PIK3C2G: variants seen among roughly 807,000 people sequenced by gnomAD.
PIK3C2G encodes the protein phosphatidylinositol 3-kinase C2 domain-containing subunit gamma.
In PIK3C2G, 168 loss-of-function variants were observed where a neutral mutation model predicts 181.1. The observed-to-expected ratio is 0.93, with a 90% confidence interval of 0.82 to 1.05. The LOEUF is 1.05. Among genes scored for constraint, PIK3C2G ranks in the 50% least tolerant of loss-of-function variants. PIK3C2G has a pLI of 0.00. For synonymous variants in PIK3C2G, 573 were observed against 592.2 expected (o/e 0.97, Z 0.47); for missense variants, 1,869 against 1,732.8 (o/e 1.08, Z -1.40).
intron 30 of PIK3C2G, among the ~76,000 whole-genome samples, chr12:18,609,031 T>C (rs1246565564): frequency 1.3e-5 from 2 of 152,110 alleles, no homozygotes; most frequent in Non-Finnish European, 2.9e-5. Flanking sequence ...TGACAACTTT[T>C]GAATTTTATC....
the PIK3C2G span, among the ~76,000 whole-genome samples, chr12:18,722,595 A>G: frequency 6.6e-6 from 1 of 152,064 alleles, no homozygotes; most frequent in Non-Finnish European, 1.5e-5. Flanking sequence ...ATGTTTTGGT[A>G]CCATATATGA....
intron 1 of PIK3C2G, among the ~76,000 whole-genome samples, chr12:18,268,203 T>C (rs1948590519): frequency 6.6e-6 from 1 of 152,176 alleles, no homozygotes; most frequent in African/African-American, 2.4e-5. Flanking sequence ...GACTTACATA[T>C]GATAAAAATT....
chr12:18,283,223 G>T (rs761191825), intron 2 of PIK3C2G, among the ~76,000 whole-genome samples: 2 of 151,924 alleles, frequency 1.3e-5, no homozygotes, highest in Non-Finnish European at 2.9e-5. Context: ...TAATTTATAC[G>T]ATTGGCAGGC....
chr12:18,670,508 C>G, the PIK3C2G span, among the ~76,000 whole-genome samples: 1 of 152,176 alleles, frequency 6.6e-6, no homozygotes, highest in African/African-American at 2.4e-5. Flanking sequence ...CAACACAGTT[C>G]TTAACCTCTT....
chr12:18,260,702 C>A (rs904831938), upstream of PIK3C2G, among the ~76,000 whole-genome samples: 1 of 152,010 alleles, frequency 6.6e-6, no homozygotes, highest in African/African-American at 2.4e-5. Context: ...AAAACAGCAA[C>A]AACAAAAGGA....
chr12:18,450,616 T>C (rs1947294750), intron 18 of PIK3C2G, among the ~76,000 whole-genome samples: 1 of 152,210 alleles, frequency 6.6e-6, no homozygotes, highest in Non-Finnish European at 1.5e-5. Flanking sequence ...TGGCTTTTGT[T>C]GCAATTGCTT....
chr12:18,646,662 A>C (rs1207407888), intron 32 of PIK3C2G, among the ~76,000 whole-genome samples: 2 of 152,260 alleles, frequency 1.3e-5, no homozygotes, highest in South Asian at 4.1e-4. Context: ...GAAAGTTTCT[A>C]TCTTGTGACT....
chr12:18,541,375 A>G (rs902411481), intron 25 of PIK3C2G, among the ~76,000 whole-genome samples: 2 of 151,934 alleles, frequency 1.3e-5, no homozygotes, highest in African/African-American at 4.8e-5. Context: ...AGGAGACCCA[A>G]GAGTATTGCC....
intron 5 of PIK3C2G, among the ~76,000 whole-genome samples, chr12:18,305,144 A>G (rs1950365840): frequency 6.6e-6 from 1 of 152,222 alleles, no homozygotes; most frequent in Admixed American, 6.5e-5. Context: ...GACCACAAAA[A>G]TAGCACACCA....
intron 31 of PIK3C2G, among the ~76,000 whole-genome samples, chr12:18,624,227 A>C (rs534613680): frequency 6.6e-6 from 1 of 151,766 alleles, no homozygotes; most frequent in Admixed American, 6.6e-5. Context: ...ATTTCTTGAA[A>C]GTTTTTATCA....
At chr12:18,292,647 T>G in intron 4 of PIK3C2G, among the ~76,000 whole-genome samples, 1 of 152,146 alleles carries the variant, frequency 6.6e-6, no homozygotes, top group African/African-American at 2.4e-5. Context: ...AAAGGGAGGA[T>G]TATGATATGT....
In PIK3C2G at chr12:18,289,687, C is replaced by T. The variant is rs551993942; in HGVS notation, c.762-1168C>T. On this transcript the variant is annotated intron_variant, in intron 3 of 32. Transcript: ENST00000538779. ...AACTAAGGGGATGGGATCCAGAACA[C>T]GAGTGGATACAGATGCATGCCAGGC... Among the ~76,000 whole-genome samples the T allele has an allele frequency of 4.7e-4, 71 of 152,258 alleles. No individual in the cohort carries two copies. The East Asian group carries it at 0.012, about 27-fold the overall frequency.
chr12:18,682,288 A>G, the PIK3C2G span, among the ~76,000 whole-genome samples: 2,048 of 152,172 alleles, frequency 0.013, 54 homozygotes, highest in African/African-American at 0.048. Context: ...TCATAAAGAT[A>G]TCACGTGTTA....
intron 26 of PIK3C2G, among the ~76,000 whole-genome samples, chr12:18,553,428 G>A (rs1232473192): frequency 6.6e-6 from 1 of 151,912 alleles, no homozygotes; most frequent in African/African-American, 2.4e-5. Context: ...TTCTGATTTG[G>A]TCACTTTCAT....
chr12:18,475,070 C>G (rs770980137), intron 18 of PIK3C2G, among the ~76,000 whole-genome samples: 1 of 151,678 alleles, frequency 6.6e-6, no homozygotes, highest in Non-Finnish European at 1.5e-5. Flanking sequence ...CCGAATGGTC[C>G]GGTGTGAAAA....
intron 6 of PIK3C2G, among the ~76,000 whole-genome samples, chr12:18,319,492 C>A (rs1012208354): frequency 1.3e-5 from 2 of 151,680 alleles, no homozygotes; most frequent in African/African-American, 2.4e-5. Context: ...AAAAAAGTTT[C>A]CAATACATGT....
chr12:18,517,420 T>C (rs1302382694), intron 24 of PIK3C2G, among the ~76,000 whole-genome samples: 1 of 152,198 alleles, frequency 6.6e-6, no homozygotes, highest in Non-Finnish European at 1.5e-5. Flanking sequence ...AGCAGTAGTT[T>C]GTAGTTTTCC....
chr12:18,488,362 G>C, intron 18 of PIK3C2G, 87 bp from the exon 19 acceptor site: 1 of 833,318 alleles, frequency 1.2e-6, no homozygotes, highest in South Asian at 2.9e-5. Flanking sequence ...ATACAGATTA[G>C]TTTGAAATGC....
intron 10 of PIK3C2G, among the ~76,000 whole-genome samples, chr12:18,344,156 T>C (rs1430013941): frequency 2.0e-5 from 3 of 152,134 alleles, no homozygotes; most frequent in African/African-American, 7.2e-5. Flanking sequence ...ACAGGAATAC[T>C]CTGAGTATCT....
Sources: allele counts gnomAD v4.1 joint callset (sites outside exome capture counted in the v4.1 genomes callset), GRCh38; gene constraint gnomAD v4.1.1; transcripts MANE v1.5; gene names NCBI Gene and HGNC (gene_info 2026-07-23, HGNC 2026-07-21).